CCDC178: variants seen among roughly 807,000 people sequenced by gnomAD.
CCDC178 encodes coiled-coil domain-containing protein 178.
CCDC178 carries 126 observed loss-of-function variants against 117.4 expected under a neutral mutation model. The ratio of observed to expected loss-of-function variants is 1.07; its 90% CI spans 0.93 to 1.24. CCDC178 has a LOEUF of 1.24. Among genes scored for constraint, CCDC178 ranks in the 50% most tolerant of loss-of-function variants. CCDC178 has a pLI of 0.00. For missense variants in CCDC178, 1,030 were observed against 986.9 expected, an observed-to-expected ratio of 1.04 and a Z score of -0.59; for synonymous variants, 283 against 313.4, an observed-to-expected ratio of 0.90 and a Z score of 1.02.
At chr18:33,160,537 A>G (rs1396576291) in intron 20 of CCDC178, among the ~76,000 whole-genome samples, 3 of 152,140 alleles carry the variant, frequency 2.0e-5, no homozygotes, top group Non-Finnish European at 4.4e-5. Context: ...ATATTCTCTA[A>G]TGTTCTCCTT....
intron 21 of CCDC178, among the ~76,000 whole-genome samples, chr18:32,980,092 C>A (rs568491474): frequency 3.0e-4 from 45 of 151,962 alleles, no homozygotes; most frequent in African/African-American, 1.1e-3. Context: ...TTTAAAAAAA[C>A]ATGACACAAC....
At chr18:33,141,212 T>C (rs2058200018) in intron 20 of CCDC178, among the ~76,000 whole-genome samples, 1 of 152,142 alleles carries the variant, frequency 6.6e-6, no homozygotes, top group South Asian at 2.1e-4. Flanking sequence ...AGAAAAGGTA[T>C]GGGCGATTGA....
At chr18:33,040,176 T>C (rs2056521913) in intron 21 of CCDC178, among the ~76,000 whole-genome samples, 1 of 151,790 alleles carries the variant, frequency 6.6e-6, no homozygotes, top group Non-Finnish European at 1.5e-5. Flanking sequence ...ATGTGAAAAA[T>C]ACTCTGACAG....
At chr18:33,061,888 A>C (rs2056927743) in intron 21 of CCDC178, among the ~76,000 whole-genome samples, 1 of 152,182 alleles carries the variant, frequency 6.6e-6, no homozygotes, top group Non-Finnish European at 1.5e-5. Flanking sequence ...TTCAAATCAG[A>C]TATCAATGGG....
intron 2 of CCDC178, among the ~76,000 whole-genome samples, chr18:33,433,128 G>T (rs2064243689): frequency 6.6e-6 from 1 of 152,182 alleles, no homozygotes; most frequent in African/African-American, 2.4e-5. Flanking sequence ...TAACGTGAGG[G>T]GAGTATTGAG....
chr18:33,388,946 C>T (rs180847063), intron 5 of CCDC178, among the ~76,000 whole-genome samples: 4 of 151,872 alleles, frequency 2.6e-5, no homozygotes, highest in Admixed American at 2.6e-4. Context: ...AATGAGAGCA[C>T]GTGGACATAG....
chr18:33,159,739 C>T (rs271489), intron 20 of CCDC178, among the ~76,000 whole-genome samples: 151,839 of 152,224 alleles, frequency 1, 75,730 homozygotes, highest in Non-Finnish European at 1. Context: ...GATTAGGATG[C>T]AGATATCTTA....
intron 21 of CCDC178, among the ~76,000 whole-genome samples, chr18:33,067,701 G>A (rs1374694850): frequency 2.6e-5 from 4 of 152,030 alleles, no homozygotes; most frequent in East Asian, 1.9e-4. Context: ...AAATTAGCCC[G>A]GCGTGGTGGG....
At chr18:33,226,198 A>G (rs2059302101) in intron 16 of CCDC178, among the ~76,000 whole-genome samples, 1 of 152,026 alleles carries the variant, frequency 6.6e-6, no homozygotes, top group Admixed American at 6.6e-5. Context: ...AAACAAAAAC[A>G]CTGAAACTGT....
chr18:33,093,767 G>T (rs936763959), intron 20 of CCDC178, among the ~76,000 whole-genome samples: 4 of 151,492 alleles, frequency 2.6e-5, no homozygotes, highest in Non-Finnish European at 4.4e-5. Context: ...TTTCAAACCT[G>T]TTAATCCAGT....
chr18:33,172,406 T>C, intron 20 of CCDC178, among the ~76,000 whole-genome samples: 1 of 152,204 alleles, frequency 6.6e-6, no homozygotes, highest in Non-Finnish European at 1.5e-5. Flanking sequence ...TAAAATGAAT[T>C]TTTAAATGTA....
intron 21 of CCDC178, among the ~76,000 whole-genome samples, chr18:33,014,791 G>A (rs772786740): frequency 1.3e-5 from 2 of 152,038 alleles, no homozygotes; most frequent in Admixed American, 6.5e-5. Flanking sequence ...TTATAGAATT[G>A]GTCCAGGAAA....
chr18:33,263,123 C>T (rs371838625), intron 14 of CCDC178, among the ~76,000 whole-genome samples: 23 of 152,224 alleles, frequency 1.5e-4, no homozygotes, highest in East Asian at 9.7e-4. Flanking sequence ...TTTCATTTAT[C>T]ATATTGAGAG....
At chr18:33,415,183 C>T (rs2063917678) in intron 2 of CCDC178, among the ~76,000 whole-genome samples, 1 of 152,304 alleles carries the variant, frequency 6.6e-6, no homozygotes, top group East Asian at 1.9e-4. Context: ...CCATTTGATC[C>T]AGCCATCCCA....
At chr18:33,100,609 TG>T (rs2057611320) in intron 20 of CCDC178, among the ~76,000 whole-genome samples, 1 of 152,002 alleles carries the variant, frequency 6.6e-6, no homozygotes, top group Admixed American at 6.6e-5. Flanking sequence ...AACTGATTTC[TG>T]GAGATATTTC....
At chr18:33,268,893 A>G (rs1173270701) in intron 12 of CCDC178, among the ~76,000 whole-genome samples, 3 of 151,840 alleles carry the variant, frequency 2.0e-5, no homozygotes, top group Non-Finnish European at 4.4e-5. Context: ...TTTAATAAAA[A>G]CAGTCTAAAC....
chr18:33,302,713 G>A (rs1265906749), intron 11 of CCDC178, among the ~76,000 whole-genome samples: 2 of 152,262 alleles, frequency 1.3e-5, no homozygotes, highest in East Asian at 3.9e-4. Flanking sequence ...ACAGCAACAT[G>A]GGTGGAACTG....
intron 22 of CCDC178, among the ~76,000 whole-genome samples, chr18:32,939,529 A>C (rs1422730104): frequency 6.6e-6 from 1 of 152,164 alleles, no homozygotes; most frequent in Non-Finnish European, 1.5e-5. Flanking sequence ...TACTTGCTCA[A>C]TTAATGGGCT....
At chr18:33,300,594 A>G (rs1018869917) in intron 11 of CCDC178, among the ~76,000 whole-genome samples, 1 of 152,282 alleles carries the variant, frequency 6.6e-6, no homozygotes, top group African/African-American at 2.4e-5. Flanking sequence ...TAAATGAGGA[A>G]GCTATTGGGA....
Sources: allele counts gnomAD v4.1 joint callset (sites outside exome capture counted in the v4.1 genomes callset), GRCh38; gene constraint gnomAD v4.1.1; transcripts MANE v1.5; gene names NCBI Gene and HGNC (gene_info 2026-07-23, HGNC 2026-07-21).